The following KCNT2 variants were observed in gnomAD, a reference collection of about 807,000 sequenced individuals.
KCNT2 encodes the protein potassium channel subfamily T member 2.
Under a neutral mutation model 153.8 loss-of-function variants are expected in KCNT2, and 67 were observed. That is an observed-to-expected ratio of 0.44 (90% CI 0.36 to 0.53). The LOEUF is 0.53. Among genes scored for constraint, KCNT2 ranks in the 20% least tolerant of loss-of-function variants. KCNT2 has a pLI of 0.00. For synonymous variants in KCNT2, 500 were observed against 458.8 expected (o/e 1.09, Z -1.15); for missense variants, 975 against 1,354.8 (o/e 0.72, Z 4.40).
At chr1:196,436,157 T>G (rs1674635351) in intron 8 of KCNT2, among the ~76,000 whole-genome samples, 1 of 151,238 alleles carries the variant, frequency 6.6e-6, no homozygotes, top group Non-Finnish European at 1.5e-5. Context: ...CTGATACCCA[T>G]TATAGAGTAC....
intron 1 of KCNT2, among the ~76,000 whole-genome samples, chr1:196,527,480 C>A (rs550999594): frequency 2.0e-5 from 3 of 152,080 alleles, no homozygotes; most frequent in African/African-American, 7.2e-5. Flanking sequence ...AACAGGGTAA[C>A]GTAAAATGAA....
chr1:196,451,847 A>G (rs1269277800), intron 8 of KCNT2, among the ~76,000 whole-genome samples: 1 of 151,816 alleles, frequency 6.6e-6, no homozygotes, highest in Non-Finnish European at 1.5e-5. Context: ...AGACTGACCA[A>G]AGAGATATGG....
At chr1:196,479,643 T>G (rs1226353827) in intron 4 of KCNT2, among the ~76,000 whole-genome samples, 2 of 152,094 alleles carry the variant, frequency 1.3e-5, no homozygotes, top group Admixed American at 6.5e-5. Flanking sequence ...GCCCCGGGGC[T>G]CAAGCAATCC....
chr1:196,509,105 C>G (rs566617618), intron 1 of KCNT2, among the ~76,000 whole-genome samples: 1 of 152,026 alleles, frequency 6.6e-6, no homozygotes, highest in South Asian at 2.1e-4. Context: ...CCCGTCTCTA[C>G]TAAAAATACA....
At chr1:196,303,529 C>T (rs1041348876) in intron 22 of KCNT2, among the ~76,000 whole-genome samples, 4 of 152,024 alleles carry the variant, frequency 2.6e-5, no homozygotes, top group Non-Finnish European at 5.9e-5. Context: ...AACTAGAATG[C>T]ACAGAATGAA....
chr1:196,260,593 C>A (rs542006711), intron 25 of KCNT2, among the ~76,000 whole-genome samples: 2 of 151,760 alleles, frequency 1.3e-5, no homozygotes, highest in African/African-American at 4.8e-5. Flanking sequence ...CTCACTTTAA[C>A]TACAGTAAAA....
intron 14 of KCNT2, among the ~76,000 whole-genome samples, chr1:196,350,551 G>GTTGT (rs561940853): frequency 0.048 from 7,301 of 151,416 alleles, 257 homozygotes; most frequent in Non-Finnish European, 0.07. Context: ...TTTTGATGGG[G>GTTGT]TTGTTTTCTT....
chr1:196,482,155 T>C (rs1679068600), intron 4 of KCNT2, among the ~76,000 whole-genome samples, 176 bp downstream of exon 4: 1 of 152,090 alleles, frequency 6.6e-6, no homozygotes, highest in South Asian at 2.1e-4. Flanking sequence ...AGAGGTAGAA[T>C]GCAGGGCTCA....
intron 11 of KCNT2, among the ~76,000 whole-genome samples, chr1:196,424,348 A>G (rs1400844856): frequency 1.3e-5 from 2 of 151,962 alleles, no homozygotes; most frequent in African/African-American, 2.4e-5. Flanking sequence ...ATTCATGTTT[A>G]TTGTGTGAAG....
intron 3 of KCNT2, among the ~76,000 whole-genome samples, chr1:196,484,932 C>T (rs1375738540): frequency 6.6e-6 from 1 of 152,064 alleles, no homozygotes; most frequent in Non-Finnish European, 1.5e-5. Flanking sequence ...TTTGACCCAG[C>T]AATCCCATTA....
At chr1:196,350,701 A>G (rs1319007089) in intron 14 of KCNT2, among the ~76,000 whole-genome samples, 1 of 152,116 alleles carries the variant, frequency 6.6e-6, no homozygotes, top group Non-Finnish European at 1.5e-5. Flanking sequence ...GAAGCTCTTT[A>G]GTTTAATTAG....
chr1:196,234,610 CTT>C (rs1178275949), intron 27 of KCNT2, among the ~76,000 whole-genome samples: 1 of 151,328 alleles, frequency 6.6e-6, no homozygotes, highest in Non-Finnish European at 1.5e-5. Flanking sequence ...CTGCAGAACT[CTT>C]TTAAAAAAAT....
intron 5 of KCNT2, among the ~76,000 whole-genome samples, chr1:196,478,028 TCTATGTGGATC>T (rs1237702739): frequency 6.6e-6 from 1 of 152,346 alleles, no homozygotes; most frequent in East Asian, 1.9e-4. Flanking sequence ...CATTATTTAA[TCTATGTGGATC>T]CCAATATGAC....
intron 16 of KCNT2, among the ~76,000 whole-genome samples, chr1:196,338,752 A>G (rs182526087): frequency 6.6e-6 from 1 of 152,036 alleles, no homozygotes; most frequent in East Asian, 1.9e-4. Flanking sequence ...CCTGCAGTTC[A>G]GGGAGAGAAG....
intron 22 of KCNT2, among the ~76,000 whole-genome samples, chr1:196,288,674 A>G (rs1201569477): frequency 6.6e-6 from 1 of 152,098 alleles, no homozygotes; most frequent in Non-Finnish European, 1.5e-5. Flanking sequence ...GGATATGATG[A>G]TTGAATTTGG....
intron 1 of KCNT2, among the ~76,000 whole-genome samples, chr1:196,596,335 A>G (rs933490952): frequency 1.2e-4 from 18 of 152,076 alleles, no homozygotes; most frequent in Non-Finnish European, 2.5e-4. Context: ...GTACTAATTT[A>G]CATTCCCACC....
intron 13 of KCNT2, among the ~76,000 whole-genome samples, chr1:196,389,699 C>T (rs1389322941): frequency 6.6e-6 from 1 of 151,562 alleles, no homozygotes; most frequent in Non-Finnish European, 1.5e-5. Context: ...CTACATAACC[C>T]ATTCCTGGAA....
At chr1:196,319,632 G>A in intron 19 of KCNT2, 77 bp from the exon 20 acceptor site, 2 of 897,190 alleles carry the variant, frequency 2.2e-6, no homozygotes, top group Non-Finnish European at 3.5e-6. Context: ...GAAGTAAGTT[G>A]ACTTAGTTTG....
intron 1 of KCNT2, among the ~76,000 whole-genome samples, chr1:196,556,387 A>G (rs1045845385): frequency 6.6e-6 from 1 of 151,514 alleles, no homozygotes; most frequent in African/African-American, 2.4e-5. Flanking sequence ...GCAAACAGGT[A>G]TATGAGAAGG....
Sources: gnomAD v4.1 joint callset for allele counts (sites outside exome capture counted in the v4.1 genomes callset) on GRCh38, gnomAD v4.1.1 for gene constraint, MANE v1.5 for transcripts, NCBI Gene and HGNC (gene_info 2026-07-23, HGNC 2026-07-21) for gene names.